GLG1: variants seen among roughly 807,000 people sequenced by gnomAD.
GLG1 encodes golgi glycoprotein 1.
A neutral mutation model predicts 160.5 loss-of-function variants in GLG1; 38 were observed. The observed-to-expected ratio is 0.24, with a 90% confidence interval of 0.18 to 0.31. The LOEUF (loss-of-function observed/expected upper bound fraction) is 0.31. Among genes scored for constraint, GLG1 ranks in the 10% least tolerant of loss-of-function variants. GLG1 has a pLI of 1.00. For missense variants in GLG1, 1,373 were observed against 1,505.2 expected, an observed-to-expected ratio of 0.91 and a Z score of 1.45; for synonymous variants, 644 against 543.4, an observed-to-expected ratio of 1.19 and a Z score of -2.57.
intron 1 of GLG1, chr16:74,552,657 G>A (rs1166121869): frequency 1.2e-5 from 2 of 167,352 alleles, no homozygotes; most frequent in African/African-American, 2.4e-5. Context: ...CCCCTGGTCC[G>A]ATGAGAAAGC....
At chr16:74,551,079 T>C (rs1164102550) in intron 1 of GLG1, among the ~76,000 whole-genome samples, 1 of 152,216 alleles carries the variant, frequency 6.6e-6, no homozygotes, top group Non-Finnish European at 1.5e-5. Context: ...TCAAGAATTC[T>C]AATAACAATT....
intron 19 of GLG1, among the ~76,000 whole-genome samples, chr16:74,464,149 C>T (rs532738454): frequency 1.2e-4 from 19 of 152,158 alleles, no homozygotes; most frequent in Non-Finnish European, 2.5e-4. Flanking sequence ...TACTGCCTCA[C>T]TGGTTCTTAC....
intron 9 of GLG1, among the ~76,000 whole-genome samples, chr16:74,483,709 A>G (rs2015688153): frequency 1.4e-5 from 2 of 147,520 alleles, no homozygotes. Flanking sequence ...CCCAGGCTGG[A>G]GTGCAGTGGC....
chr16:74,502,725 T>G (rs1427729779), intron 4 of GLG1, among the ~76,000 whole-genome samples: 3 of 62,674 alleles, frequency 4.8e-5, no homozygotes, highest in African/African-American at 1.7e-4. Context: ...GTTTTTGGTT[T>G]TTTTTTTTTT....
At chr16:74,578,920 T>C (rs966481343) in intron 1 of GLG1, among the ~76,000 whole-genome samples, 1 of 152,110 alleles carries the variant, frequency 6.6e-6, no homozygotes, top group Admixed American at 6.6e-5. Flanking sequence ...AAGATGAAAA[T>C]AGGTAAATGT....
At chr16:74,584,061 C>G (rs1296412407) in intron 1 of GLG1, among the ~76,000 whole-genome samples, 3 of 152,162 alleles carry the variant, frequency 2.0e-5, no homozygotes, top group Non-Finnish European at 2.9e-5. Flanking sequence ...GTAACAGCAG[C>G]TTTCTCAGCG....
intron 13 of GLG1, among the ~76,000 whole-genome samples, chr16:74,473,455 T>TTTGG (rs2015282342): frequency 6.8e-6 from 1 of 148,110 alleles, no homozygotes; most frequent in African/African-American, 2.5e-5. Flanking sequence ...TTTTTTTTTT[T>TTTGG]GAGACATAGA....
chr16:74,550,451 TG>T (rs2018167627), intron 1 of GLG1, among the ~76,000 whole-genome samples: 1 of 152,102 alleles, frequency 6.6e-6, no homozygotes, highest in Non-Finnish European at 1.5e-5. Flanking sequence ...CCGCCGTGTG[TG>T]GGTTTCCTAA....
chr16:74,478,222 T>G (rs1161107730), intron 11 of GLG1, among the ~76,000 whole-genome samples: 2 of 152,114 alleles, frequency 1.3e-5, no homozygotes, highest in African/African-American at 4.8e-5. Flanking sequence ...GAACACCAGG[T>G]AGAAGGTCAG....
chr16:74,594,274 G>A lies in GLG1; in HGVS notation c.438+12383C>T, dbSNP rs539731163. Among the ~76,000 whole-genome samples the A allele has an allele frequency of 2.0e-3, 303 of 152,266 alleles. 1 individual carries two copies. The highest frequency in any genetic ancestry group is 6.6e-3 in the African/African-American group (276 of 41,548). ...ATTTGTTTTATTTTACAAGTGTATAGATCCAGGATTCAAGTCAGCACCCAT... is the reference window on the plus strand; with the variant it reads ...ATTTGTTTTATTTTACAAGTGTATAAATCCAGGATTCAAGTCAGCACCCAT... On this transcript the variant is annotated intron_variant, in intron 1 of 25. Transcript: ENST00000422840.
At chr16:74,544,029 TGAAAG>T (rs2017975183) in intron 1 of GLG1, among the ~76,000 whole-genome samples, 1 of 152,166 alleles carries the variant, frequency 6.6e-6, no homozygotes, top group Non-Finnish European at 1.5e-5. Flanking sequence ...CTTGGAGAAG[TGAAAG>T]GAGATGGGCA....
chr16:74,556,661 G>T (rs1407108103), intron 1 of GLG1, among the ~76,000 whole-genome samples: 1 of 151,368 alleles, frequency 6.6e-6, no homozygotes, highest in Non-Finnish European at 1.5e-5. Flanking sequence ...TCCAACCTGG[G>T]TGGCAGGTTG....
At chr16:74,533,725 G>C (rs888186764) in intron 1 of GLG1, among the ~76,000 whole-genome samples, 1 of 152,114 alleles carries the variant, frequency 6.6e-6, no homozygotes, top group Non-Finnish European at 1.5e-5. Context: ...AGATTGCAGT[G>C]ATCTGAGATT....
intron 1 of GLG1, among the ~76,000 whole-genome samples, chr16:74,600,295 AAGT>A (rs1266917056): frequency 1.3e-5 from 2 of 151,482 alleles, no homozygotes; most frequent in South Asian, 2.1e-4. Context: ...CGGGAGGCTG[AAGT>A]GGGAGGAGAG....
chr16:74,573,621 T>A (rs1397006837), intron 1 of GLG1, among the ~76,000 whole-genome samples: 10 of 131,948 alleles, frequency 7.6e-5, no homozygotes, highest in Non-Finnish European at 1.3e-4. Flanking sequence ...AGACAGGGTC[T>A]CACCCTGTTG....
At chr16:74,572,657 C>T (rs1423607341) in intron 1 of GLG1, among the ~76,000 whole-genome samples, 10 of 152,200 alleles carry the variant, frequency 6.6e-5, no homozygotes, top group African/African-American at 9.7e-5. Flanking sequence ...TCCCATACCT[C>T]GCCCTATGCA....
intron 1 of GLG1, among the ~76,000 whole-genome samples, chr16:74,554,342 T>C (rs2018292720): frequency 6.6e-6 from 1 of 152,236 alleles, no homozygotes; most frequent in African/African-American, 2.4e-5. Flanking sequence ...CAGACCAGCC[T>C]GGTCAACATA....
chr16:74,569,565 A>C (rs538414684), intron 1 of GLG1, among the ~76,000 whole-genome samples: 2 of 152,214 alleles, frequency 1.3e-5, no homozygotes, highest in South Asian at 4.1e-4. Flanking sequence ...CACTTGTATC[A>C]TCAAAATGCA....
intron 1 of GLG1, among the ~76,000 whole-genome samples, chr16:74,591,440 A>C (rs1315782154): frequency 6.6e-6 from 1 of 152,068 alleles, no homozygotes; most frequent in African/African-American, 2.4e-5. Flanking sequence ...CATCCTGGCT[A>C]ACACGGTGAA....
Sources: gnomAD v4.1 joint callset for allele counts (sites outside exome capture counted in the v4.1 genomes callset) on GRCh38, gnomAD v4.1.1 for gene constraint, MANE v1.5 for transcripts, NCBI Gene and HGNC (gene_info 2026-07-23, HGNC 2026-07-21) for gene names.